Variants in SENP7 observed in about 807,000 individuals in gnomAD.
SENP7 encodes the protein SUMO specific peptidase 7, also known as sentrin-specific protease 7.
SENP7 carries 64 observed loss-of-function variants against 141.2 expected under a neutral mutation model. The ratio of observed to expected loss-of-function variants is 0.45; its 90% CI spans 0.37 to 0.56. The LOEUF (loss-of-function observed/expected upper bound fraction) is 0.56. SENP7 is among the 20% of genes least tolerant of loss of function. The pLI is 0.00. For missense variants in SENP7, 1,025 were observed against 1,212.2 expected (o/e 0.85, Z 2.29); for synonymous variants, 382 against 426.4 (o/e 0.90, Z 1.28).
chr3:101,493,799 T>G, intron 3 of SENP7, 74 bp downstream of exon 3: 1 of 876,342 alleles, frequency 1.1e-6, no homozygotes, highest in Non-Finnish European at 1.7e-6. Context: ...AAAATAAACA[T>G]TCAGTTTTAT....
chr3:101,467,098 G>A (rs907494060), intron 3 of SENP7, among the ~76,000 whole-genome samples: 1 of 152,242 alleles, frequency 6.6e-6, no homozygotes, highest in Non-Finnish European at 1.5e-5. Flanking sequence ...AGCACTCTGA[G>A]ATCAAACTGC....
At chr3:101,463,191 C>T (rs2063606426) in intron 3 of SENP7, among the ~76,000 whole-genome samples, 1 of 151,080 alleles carries the variant, frequency 6.6e-6, no homozygotes, top group African/African-American at 2.4e-5. Context: ...TACAGTGAGA[C>T]CCTATGTCTA....
intron 4 of SENP7, among the ~76,000 whole-genome samples, chr3:101,435,029 C>T (rs1444606537): frequency 1.3e-5 from 2 of 152,112 alleles, no homozygotes; most frequent in Non-Finnish European, 2.9e-5. Flanking sequence ...CAACAAAATA[C>T]TAGCAAACCA....
intron 3 of SENP7, among the ~76,000 whole-genome samples, chr3:101,488,934 G>T (rs573744251): frequency 6.6e-6 from 1 of 152,244 alleles, no homozygotes; most frequent in East Asian, 1.9e-4. Context: ...TGTACAGAAG[G>T]AACTCCCATC....
intron 6 of SENP7, among the ~76,000 whole-genome samples, chr3:101,394,639 A>C (rs1402639173): frequency 6.6e-6 from 1 of 151,638 alleles, no homozygotes; most frequent in East Asian, 1.9e-4. Flanking sequence ...CAGCCTCCCG[A>C]GTAGCTGGGA....
chr3:101,385,740 C>T (rs568061655), intron 6 of SENP7, among the ~76,000 whole-genome samples: 1 of 152,326 alleles, frequency 6.6e-6, no homozygotes, highest in African/African-American at 2.4e-5. Flanking sequence ...GAGAACCCAA[C>T]AGCAAACTCT....
At chr3:101,403,349 C>G (rs1478645113) in intron 5 of SENP7, among the ~76,000 whole-genome samples, 3 of 152,174 alleles carry the variant, frequency 2.0e-5, no homozygotes, top group Admixed American at 1.3e-4. Context: ...TCATTATGTT[C>G]CAGACAGCAT....
intron 6 of SENP7, among the ~76,000 whole-genome samples, chr3:101,391,891 T>A (rs536557746): frequency 6.6e-6 from 1 of 152,282 alleles, no homozygotes; most frequent in African/African-American, 2.4e-5. Context: ...CATGATCAAG[T>A]GAGATTTATC....
chr3:101,453,566 G>A (rs560322124), intron 4 of SENP7, among the ~76,000 whole-genome samples: 2 of 152,250 alleles, frequency 1.3e-5, no homozygotes, highest in South Asian at 2.1e-4. Flanking sequence ...GTCCTTTGTA[G>A]GGACATGGAT....
At chr3:101,469,334 C>G (rs2063886456) in intron 3 of SENP7, among the ~76,000 whole-genome samples, 1 of 152,062 alleles carries the variant, frequency 6.6e-6, no homozygotes, top group Non-Finnish European at 1.5e-5. Flanking sequence ...GTCAATATTA[C>G]ACAGATAAAC....
At chr3:101,404,683 TG>T (rs1373278786) in intron 5 of SENP7, among the ~76,000 whole-genome samples, 1 of 152,044 alleles carries the variant, frequency 6.6e-6, no homozygotes, top group East Asian at 1.9e-4. Flanking sequence ...ATCTAACAAA[TG>T]TCTAATTTCC....
Position 101,324,835 on chromosome 3 carries a change from A to G in SENP7, c.*1108T>C, listed in dbSNP as rs767220620. 2 of 152,064 alleles carry G rather than the reference A, an allele frequency of 1.3e-5. No homozygotes were observed. Among genetic ancestry groups the G allele is most frequent in the Non-Finnish European group, 2.9e-5 (2 of 67,972 alleles). The allele number at this position is 152,064 out of a possible 1,614,324, so 9.4% of individuals were successfully genotyped here. On this transcript the variant is annotated 3_prime_UTR_variant, in exon 24 of 24. Transcript: ENST00000394095. ...TCTCCCTCAAAATACTCCTGATAACATTAGAAAGTTCTGAAGTGTTTAATC... is the reference window on the plus strand; with the variant it reads ...TCTCCCTCAAAATACTCCTGATAACGTTAGAAAGTTCTGAAGTGTTTAATC...
rs917617140 is a variant in SENP7, at chr3:101,497,516, C to CA, written c.91-3549dup. On this transcript the variant is annotated intron_variant, in intron 2 of 23. Transcript: ENST00000394095. ...TATACAGTGTCAGAAAGTAAGTGTTCAAAAAAAAAAAGATAGGAGCACGTC... is the reference window on the plus strand; with the variant it reads ...TATACAGTGTCAGAAAGTAAGTGTTCAAAAAAAAAAAAGATAGGAGCACGTC... Among the ~76,000 whole-genome samples the CA allele has an allele frequency of 9.7e-3, 1,350 of 139,826 alleles. 21 individuals carry two copies. The highest frequency in any genetic ancestry group is 0.034 in the African/African-American group (1,286 of 38,336). 91.7% of individuals were successfully genotyped at this position (139,826 alleles called of 152,430 possible). A position where few individuals can be genotyped will look rare whatever the true frequency, so the allele number is the denominator to read the frequency against.
intron 11 of SENP7, 38 bp downstream of exon 11, chr3:101,361,677 G>T: frequency 2.0e-6 from 3 of 1,488,044 alleles, no homozygotes; most frequent in South Asian, 1.5e-5. Context: ...CCTTGTCCAA[G>T]ATCCAAACTA....
chr3:101,417,718 T>C lies in SENP7; in HGVS notation c.357A>G (p.Arg119=). ...TGGCATCACATAAATTAGCATCGTT[T>C]CTAGGTAGGGTCTTTCTGAATTTTC... The part of the protein sequence containing the change: ...LGRKFRKTLP[R]NDANLCDANK... The change falls in exon 5 of 24, where the codon AGA becomes AGG. Residue 119 remains arginine, a synonymous_variant. Transcript: ENST00000394095. 6.2e-7 allele frequency: 1 copy of C among 1,614,044 alleles called. No individual in the cohort carries two copies. The highest frequency in any genetic ancestry group is 8.5e-7 in the Non-Finnish European group (1 of 1,179,898).
At chr3:101,449,280 A>G (rs1485934935) in intron 4 of SENP7, among the ~76,000 whole-genome samples, 1 of 152,218 alleles carries the variant, frequency 6.6e-6, no homozygotes, top group African/African-American at 2.4e-5. Context: ...GAATGGAACC[A>G]AGTTGGAAAA....
At chr3:101,422,742 A>G (rs1401751733) in intron 4 of SENP7, among the ~76,000 whole-genome samples, 1 of 152,206 alleles carries the variant, frequency 6.6e-6, no homozygotes, top group African/African-American at 2.4e-5. Flanking sequence ...CCTAAAAAAT[A>G]AGAAATATAC....
At chr3:101,449,340 G>A (rs1346211979) in intron 4 of SENP7, among the ~76,000 whole-genome samples, 2 of 152,138 alleles carry the variant, frequency 1.3e-5, no homozygotes, top group African/African-American at 2.4e-5. Flanking sequence ...AGCAAGGCAG[G>A]CCAACATTCA....
intron 4 of SENP7, among the ~76,000 whole-genome samples, chr3:101,421,216 G>C (rs1186427110): frequency 6.6e-6 from 1 of 151,930 alleles, no homozygotes; most frequent in African/African-American, 2.4e-5. Flanking sequence ...CCCAAAAAAT[G>C]TATGTATATG....
Sources: allele counts gnomAD v4.1 joint callset (sites outside exome capture counted in the v4.1 genomes callset), GRCh38; gene constraint gnomAD v4.1.1; transcripts MANE v1.5; gene names NCBI Gene and HGNC (gene_info 2026-07-23, HGNC 2026-07-21).